Variants in PTPRO observed in about 807,000 individuals in gnomAD.
PTPRO encodes the protein protein tyrosine phosphatase receptor type O.
PTPRO carries 62 observed loss-of-function variants against 145.2 expected under a neutral mutation model. That is an observed-to-expected ratio of 0.43 (90% CI 0.35 to 0.53). PTPRO has a LOEUF of 0.53. PTPRO is among the 20% of genes least tolerant of loss of function. The pLI, the probability that PTPRO is intolerant of heterozygous loss-of-function variation, is 0.01. For missense variants in PTPRO, 1,345 were observed against 1,482.7 expected, an observed-to-expected ratio of 0.91 and a Z score of 1.53; for synonymous variants, 565 against 514.7, an observed-to-expected ratio of 1.10 and a Z score of -1.32.
At chr12:15,379,330 C>T (rs1156232642) in intron 1 of PTPRO, among the ~76,000 whole-genome samples, 1 of 150,330 alleles carries the variant, frequency 6.7e-6, no homozygotes, top group Non-Finnish European at 1.5e-5. Flanking sequence ...ACCAGCCTTG[C>T]CAACATGGTG....
chr12:15,572,908 C>T (rs139232558), intron 19 of PTPRO, among the ~76,000 whole-genome samples: 106 of 152,138 alleles, frequency 7.0e-4, no homozygotes, highest in Non-Finnish European at 1.3e-3. Context: ...GGAAGAGGGA[C>T]GAGGCGTTAA....
chr12:15,477,526 C>T (rs1414860728), intron 1 of PTPRO, among the ~76,000 whole-genome samples: 2 of 152,076 alleles, frequency 1.3e-5, no homozygotes, highest in Non-Finnish European at 2.9e-5. Context: ...TTGTATTCCC[C>T]ACACTAAAGT....
At chr12:15,384,793 T>G (rs1938969852) in intron 1 of PTPRO, among the ~76,000 whole-genome samples, 1 of 152,210 alleles carries the variant, frequency 6.6e-6, no homozygotes, top group Admixed American at 6.5e-5. Flanking sequence ...TTTATTTTTG[T>G]GAATGCTACA....
chr12:15,333,718 T>C (rs1043089715), intron 1 of PTPRO, among the ~76,000 whole-genome samples: 4 of 152,206 alleles, frequency 2.6e-5, no homozygotes, highest in African/African-American at 9.6e-5. Context: ...GATGCCATTT[T>C]GCTCTGGTGG....
chr12:15,496,091 G>A (rs185582564), intron 2 of PTPRO, among the ~76,000 whole-genome samples: 3 of 146,402 alleles, frequency 2.0e-5, no homozygotes, highest in Admixed American at 6.8e-5. Context: ...GTCTTTTGGG[G>A]TTCCAACAGC....
chr12:15,451,272 A>T (rs1006433133), intron 1 of PTPRO, among the ~76,000 whole-genome samples: 1 of 152,196 alleles, frequency 6.6e-6, no homozygotes, highest in African/African-American at 2.4e-5. Context: ...GCCTTGTTCC[A>T]CAGGAAAGTA....
intron 1 of PTPRO, among the ~76,000 whole-genome samples, chr12:15,360,160 G>A (rs750860599): frequency 2.2e-4 from 34 of 152,100 alleles, no homozygotes; most frequent in Non-Finnish European, 3.2e-4. Flanking sequence ...AAAATGTATC[G>A]CAAGCTGGAA....
At chr12:15,554,089 G>T (rs1862361634) in intron 15 of PTPRO, among the ~76,000 whole-genome samples, 1 of 152,156 alleles carries the variant, frequency 6.6e-6, no homozygotes, top group African/African-American at 2.4e-5. Context: ...AGCTACTCAG[G>T]AGGCTGAGAC....
chr12:15,383,105 C>T, intron 1 of PTPRO, among the ~76,000 whole-genome samples: 1 of 152,168 alleles, frequency 6.6e-6, no homozygotes, highest in East Asian at 1.9e-4. Context: ...TGACCAACAT[C>T]TCCCCTTTCC....
chr12:15,504,493 T>C (rs1942282159), intron 6 of PTPRO, among the ~76,000 whole-genome samples: 1 of 152,132 alleles, frequency 6.6e-6, no homozygotes, highest in Non-Finnish European at 1.5e-5. Flanking sequence ...CAAGTGTGGG[T>C]ACACCCCGAT....
At chr12:15,495,994 C>T in intron 2 of PTPRO, among the ~76,000 whole-genome samples, 1 of 152,046 alleles carries the variant, frequency 6.6e-6, no homozygotes, top group Non-Finnish European at 1.5e-5. Context: ...TCCCTCTAGT[C>T]ACTGCACAGA....
intron 1 of PTPRO, among the ~76,000 whole-genome samples, chr12:15,405,529 G>A (rs1008202244): frequency 2.0e-5 from 3 of 152,054 alleles, no homozygotes; most frequent in Non-Finnish European, 4.4e-5. Context: ...ATACAAATGG[G>A]AAAAGGCATT....
intron 1 of PTPRO, among the ~76,000 whole-genome samples, chr12:15,360,834 ATATACGTGTGTATATATG>A (rs1330330116): frequency 7.0e-6 from 1 of 143,570 alleles, no homozygotes; most frequent in African/African-American, 2.6e-5. Context: ...GTGTGTATAT[ATATACGTGTGTATATATG>A]TGTGTGTATA....
chr12:15,517,620 C>T (rs371740936), intron 9 of PTPRO, among the ~76,000 whole-genome samples: 7 of 152,154 alleles, frequency 4.6e-5, no homozygotes, highest in East Asian at 3.8e-4. Context: ...TAGATACACT[C>T]GGGGTACAGG....
intron 18 of PTPRO, among the ~76,000 whole-genome samples, chr12:15,566,723 A>G (rs1331946693): frequency 6.6e-6 from 1 of 151,796 alleles, no homozygotes; most frequent in Non-Finnish European, 1.5e-5. Context: ...ATTTCACTAT[A>G]TTGGTCAGAC....
intron 1 of PTPRO, among the ~76,000 whole-genome samples, chr12:15,419,272 AG>A (rs1368336357): frequency 1.6e-5 from 1 of 62,480 alleles, no homozygotes; most frequent in African/African-American, 6.5e-5. Context: ...GGGGCGGGGG[AG>A]GGGGGCTAAT....
chr12:15,455,888 G>A (rs1941164568), intron 1 of PTPRO, among the ~76,000 whole-genome samples: 1 of 152,122 alleles, frequency 6.6e-6, no homozygotes, highest in African/African-American at 2.4e-5. Context: ...GACTTCCAGA[G>A]GAGAAGTACC....
intron 1 of PTPRO, among the ~76,000 whole-genome samples, chr12:15,459,214 G>A (rs552882829): frequency 6.6e-5 from 10 of 152,102 alleles, no homozygotes; most frequent in Non-Finnish European, 1.0e-4. Flanking sequence ...GAGATCTGTC[G>A]TTTTTCTCCC....
Position 15,524,875 on chromosome 12 carries a change from G to T in PTPRO, c.1953G>T (p.Trp651Cys). 3 of 1,613,292 alleles carry T rather than the reference G, an allele frequency of 1.9e-6. No individual in the cohort carries two copies. The highest frequency in any genetic ancestry group is 2.5e-6 in the Non-Finnish European group (3 of 1,179,274). Residue 651 changes from tryptophan (W) to cysteine (C), a missense_variant, in exon 11 of 27, where the codon TGG (tryptophan) becomes TGT (cysteine). Physicochemically the swap from Trp to Cys is radical, Grantham distance 215 (BLOSUM62 -2). This residue lies in a region of PTPRO where 1,130 missense variants were observed against 1,214.7 expected (regional missense o/e 0.93). Coordinates refer to ENST00000281171, the MANE Select transcript of PTPRO (RefSeq NM_030667.3). ...EYFNSLLYISWTYGDDTTDLS... is the reference protein window; with the variant it reads ...EYFNSLLYISCTYGDDTTDLS... ...TCAACAGTCTGTTATATATCAGTTG[G>T]ACATATGGGGATGATACAACGGACT... is the stretch of plus-strand genomic sequence containing the variant.
Sources: allele counts gnomAD v4.1 joint callset (sites outside exome capture counted in the v4.1 genomes callset), GRCh38; gene constraint gnomAD v4.1.1; regional missense constraint gnomAD v4.1.1; transcripts MANE v1.5; gene names NCBI Gene and HGNC (gene_info 2026-07-23, HGNC 2026-07-21).